The following NRG3 variants were observed in gnomAD, a reference collection of about 807,000 sequenced individuals.
The protein encoded by NRG3 is neuregulin 3, also known as pro-neuregulin-3, membrane-bound isoform.
In NRG3, 31 loss-of-function variants were observed where a neutral mutation model predicts 66.9. The ratio of observed to expected loss-of-function variants is 0.46; its 90% confidence interval spans 0.35 to 0.63. The LOEUF is 0.63. NRG3 is among the 20% of genes least tolerant of loss of function. The pLI, the probability that NRG3 is intolerant of heterozygous loss-of-function variation, is 0.00. For missense variants in NRG3, 910 were observed against 878.9 expected (o/e 1.04, Z -0.45); for synonymous variants, 393 against 359.4 (o/e 1.09, Z -1.06).
At chr10:82,762,050 C>CTCTT (rs1001777997) in intron 3 of NRG3, among the ~76,000 whole-genome samples, 2 of 138,926 alleles carry the variant, frequency 1.4e-5, no homozygotes, top group South Asian at 2.4e-4. Context: ...TTTCCTTTCT[C>CTCTT]TCTTTCTTTC....
At chr10:82,609,571 C>T (rs1220666628) in intron 2 of NRG3, among the ~76,000 whole-genome samples, 32 of 149,798 alleles carry the variant, frequency 2.1e-4, no homozygotes, top group Admixed American at 2.0e-3. Context: ...TTATATTGTG[C>T]CAACAGATTA....
At chr10:82,601,148 T>G (rs2047602442) in intron 2 of NRG3, among the ~76,000 whole-genome samples, 1 of 152,194 alleles carries the variant, frequency 6.6e-6, no homozygotes, top group African/African-American at 2.4e-5. Flanking sequence ...GGCTGTGTAG[T>G]GTTCCATGGT....
intron 2 of NRG3, among the ~76,000 whole-genome samples, chr10:82,441,690 A>C (rs1307346568): frequency 1.3e-5 from 2 of 152,176 alleles, no homozygotes; most frequent in Non-Finnish European, 2.9e-5. Context: ...TAGATGGGGA[A>C]AACCAAGGGT....
chr10:82,212,197 A>T (rs530747462), intron 1 of NRG3, among the ~76,000 whole-genome samples: 5 of 152,330 alleles, frequency 3.3e-5, no homozygotes, highest in African/African-American at 1.2e-4. Flanking sequence ...CACATGGTTC[A>T]AACTAATAAA....
At chr10:82,905,002 A>G (rs1287597782) in intron 4 of NRG3, among the ~76,000 whole-genome samples, 1 of 152,108 alleles carries the variant, frequency 6.6e-6, no homozygotes, top group African/African-American at 2.4e-5. Flanking sequence ...TGGATTTTTC[A>G]CAATTCCCTG....
intron 2 of NRG3, among the ~76,000 whole-genome samples, chr10:82,728,681 G>A (rs1049073715): frequency 6.6e-6 from 1 of 152,184 alleles, no homozygotes; most frequent in Non-Finnish European, 1.5e-5. Flanking sequence ...TTCTGAGCAA[G>A]TAGAGACAAC....
chr10:82,885,399 C>T (rs572925718), intron 4 of NRG3, among the ~76,000 whole-genome samples: 1 of 152,218 alleles, frequency 6.6e-6, no homozygotes, highest in African/African-American at 2.4e-5. Context: ...TTATGCCCAA[C>T]ATCTTAGGAG....
intron 1 of NRG3, among the ~76,000 whole-genome samples, chr10:81,944,716 G>C (rs73306532): frequency 0.067 from 10,226 of 152,156 alleles, 398 homozygotes; most frequent in African/African-American, 0.094. Context: ...TCTTCCGTGA[G>C]TCAGAGGGAG....
At chr10:82,779,103 G>C (rs1432159206) in intron 3 of NRG3, among the ~76,000 whole-genome samples, 1 of 152,140 alleles carries the variant, frequency 6.6e-6, no homozygotes, top group Non-Finnish European at 1.5e-5. Flanking sequence ...GTGATGCACA[G>C]TAGCAGCACG....
At chr10:82,294,724 A>G (rs745785588) in intron 1 of NRG3, among the ~76,000 whole-genome samples, 3 of 151,960 alleles carry the variant, frequency 2.0e-5, no homozygotes, top group Non-Finnish European at 4.4e-5. Flanking sequence ...TTCTTCTGTG[A>G]TTTTTCCTGT....
intron 2 of NRG3, among the ~76,000 whole-genome samples, chr10:82,411,120 A>C (rs1590036566): frequency 6.6e-6 from 1 of 152,004 alleles, no homozygotes; most frequent in Non-Finnish European, 1.5e-5. Context: ...TTCAGCATGT[A>C]AGCCAGGCTG....
At chr10:81,986,062 G>T (rs891137854) in intron 1 of NRG3, among the ~76,000 whole-genome samples, 1 of 151,980 alleles carries the variant, frequency 6.6e-6, no homozygotes, top group Non-Finnish European at 1.5e-5. Flanking sequence ...TTTTTGGCCT[G>T]GGAGAATCAC....
chr10:81,883,258 C>T (rs1459916824), intron 1 of NRG3, among the ~76,000 whole-genome samples: 3 of 152,092 alleles, frequency 2.0e-5, no homozygotes, highest in Non-Finnish European at 4.4e-5. Context: ...CTTTGGGGAA[C>T]TTTAATATTA....
At chr10:82,079,981 C>A (rs2065298979) in intron 1 of NRG3, among the ~76,000 whole-genome samples, 1 of 152,062 alleles carries the variant, frequency 6.6e-6, no homozygotes, top group South Asian at 2.1e-4. Context: ...GTTTCAATTT[C>A]AAAAAATCTA....
chr10:82,231,797 T>C (rs900988124), intron 1 of NRG3, among the ~76,000 whole-genome samples: 2 of 152,362 alleles, frequency 1.3e-5, no homozygotes, highest in South Asian at 4.1e-4. Flanking sequence ...TTCAAAATGT[T>C]ACATATCATT....
chr10:82,005,004 G>T (rs2061330404), intron 1 of NRG3, among the ~76,000 whole-genome samples: 1 of 152,176 alleles, frequency 6.6e-6, no homozygotes, highest in Non-Finnish European at 1.5e-5. Context: ...TATTTGATTT[G>T]GCCTTTGATT....
At chr10:81,882,012 T>C (rs1370841086) in intron 1 of NRG3, among the ~76,000 whole-genome samples, 1 of 152,234 alleles carries the variant, frequency 6.6e-6, no homozygotes, top group Non-Finnish European at 1.5e-5. Flanking sequence ...CTTCAAAGCA[T>C]TCAACTACAT....
intron 8 of NRG3, among the ~76,000 whole-genome samples, chr10:82,979,334 A>G (rs1852608343): frequency 6.6e-6 from 1 of 152,198 alleles, no homozygotes; most frequent in African/African-American, 2.4e-5. Flanking sequence ...TTAGAAAGAA[A>G]TATAACTAGG....
At chr10:82,063,251 G>T (rs1843190446) in intron 1 of NRG3, among the ~76,000 whole-genome samples, 1 of 150,672 alleles carries the variant, frequency 6.6e-6, no homozygotes, top group South Asian at 2.1e-4. Context: ...TGCATTTTAG[G>T]TTTATCATCA....
Sources: gnomAD v4.1 joint callset for allele counts (sites outside exome capture counted in the v4.1 genomes callset) on GRCh38, gnomAD v4.1.1 for gene constraint, MANE v1.5 for transcripts, NCBI Gene and HGNC (gene_info 2026-07-23, HGNC 2026-07-21) for gene names.